MGAT4A: variants seen among roughly 807,000 people sequenced by gnomAD.
MGAT4A encodes the protein alpha-1,3-mannosyl-glycoprotein 4-beta-N-acetylglucosaminyltransferase A, also known as N-acetylglucosaminyltransferase IVa.
In MGAT4A, 33 loss-of-function variants were observed where a neutral mutation model predicts 74.1. That is an observed-to-expected ratio of 0.45 (90% CI 0.34 to 0.60). The LOEUF is 0.60. MGAT4A is among the 20% of genes least tolerant of loss of function. The probability of loss-of-function intolerance (pLI) is 0.02; values close to 1 mark genes in which losing one functional copy is unlikely to be tolerated. For synonymous variants in MGAT4A, 198 were observed against 210.4 expected (o/e 0.94, Z 0.51); for missense variants, 479 against 628.3 (o/e 0.76, Z 2.54).
chr2:98,709,017 C>T (rs1214810621), intron 2 of MGAT4A, among the ~76,000 whole-genome samples: 2 of 152,200 alleles, frequency 1.3e-5, no homozygotes, highest in South Asian at 2.1e-4. Flanking sequence ...AGGCTGTACA[C>T]CCCATGGAGT....
rs1241789871 is a variant in MGAT4A at position 98,622,169 on chromosome 2, G to A, written c.*3397C>T. 1.0e-6 allele frequency: 1 copy of A among 985,318 alleles called. No individual in the cohort carries two copies. The highest frequency in any genetic ancestry group is 1.7e-5 in the African/African-American group (1 of 57,222). The allele number at this position is 985,318 out of a possible 1,614,324, so 61.0% of individuals were successfully genotyped here. ...AAATATTCATCATCATTTGCATTAT[G>A]TTCTATTCCCATGTCTGCTTTTAAC... On this transcript the variant is annotated 3_prime_UTR_variant, in exon 16 of 16. Transcript: ENST00000393487.
intron 10 of MGAT4A, among the ~76,000 whole-genome samples, chr2:98,641,499 C>CAAAAAAAA (rs1205460540): frequency 1.1e-3 from 84 of 75,230 alleles, no homozygotes; most frequent in African/African-American, 2.0e-3. Flanking sequence ...ACTAAAAATA[C>CAAAAAAAA]AAAAAAAAAA....
chr2:98,718,129 C>T (rs552094630), intron 2 of MGAT4A, among the ~76,000 whole-genome samples: 1 of 152,280 alleles, frequency 6.6e-6, no homozygotes, highest in South Asian at 2.1e-4. Flanking sequence ...ATACTGTAGT[C>T]TACTGATTCA....
intron 5 of MGAT4A, among the ~76,000 whole-genome samples, chr2:98,659,679 G>A: frequency 6.6e-6 from 1 of 152,072 alleles, no homozygotes; most frequent in East Asian, 1.9e-4. Flanking sequence ...CCTTTCACTT[G>A]ATTCTCATTT....
intron 2 of MGAT4A, among the ~76,000 whole-genome samples, chr2:98,684,964 T>C (rs1466234574): frequency 1.3e-5 from 2 of 152,186 alleles, no homozygotes; most frequent in African/African-American, 2.4e-5. Flanking sequence ...GGGCCGGGCA[T>C]GGTGGCTCAC....
chr2:98,668,337 C>T (rs1701866428), intron 4 of MGAT4A, among the ~76,000 whole-genome samples: 1 of 152,222 alleles, frequency 6.6e-6, no homozygotes, highest in Non-Finnish European at 1.5e-5. Context: ...CCAGCCTTGA[C>T]TAAAAGGAGC....
At position 98,667,696 on chromosome 2, in the gene MGAT4A, TTTGTTGTTG is replaced by T. The variant is rs142922685; in HGVS notation, c.404-4526_404-4518del. Among the ~76,000 whole-genome samples, 354 of 150,268 alleles carry T rather than the reference TTTGTTGTTG, an allele frequency of 2.4e-3. 1 individual carries two copies. Among genetic ancestry groups the T allele is most frequent in the Middle Eastern group, 0.01 (3 of 290 alleles). ...TGGGTGCTGTTAAAGGCATTCAGTT[TTTGTTGTTG>T]TTGTTGTTGTTGTTGTTGTTGTTGT... On this transcript the variant is annotated intron_variant, in intron 4 of 15. Transcript: ENST00000393487.
chr2:98,625,870 C>A lies in MGAT4A; in HGVS notation c.1469-35G>T, dbSNP rs140232102. On this transcript the variant is annotated intron_variant, in intron 14 of 15. Coordinates refer to ENST00000393487, the MANE Select transcript of MGAT4A (RefSeq NM_012214.3). The stretch of plus-strand genomic sequence containing the variant: ...AAAAATCAATACTTGTTGGATACAC[C>A]GAGATAAGCAAACATAAAATATCAC... 3.9e-3 allele frequency: 5,615 copies of A among 1,447,046 alleles called. 28 individuals are homozygous for A. Among genetic ancestry groups the A allele is most frequent in the Middle Eastern group, 0.024 (135 of 5,664 alleles). The allele number at this position is 1,447,046 out of a possible 1,614,324, so 89.6% of individuals were successfully genotyped here.
chr2:98,687,242 T>C (rs1702143108), intron 2 of MGAT4A, among the ~76,000 whole-genome samples: 1 of 150,634 alleles, frequency 6.6e-6, no homozygotes, highest in Admixed American at 6.6e-5. Flanking sequence ...AGAATTCTAA[T>C]GTAGTTCTAC....
chr2:98,636,297 A>G (rs577238302), intron 13 of MGAT4A, among the ~76,000 whole-genome samples: 2 of 152,146 alleles, frequency 1.3e-5, no homozygotes, highest in Admixed American at 1.3e-4. Flanking sequence ...GTGGCCTGTT[A>G]CTTTCCAAGA....
chr2:98,638,239 G>T, intron 12 of MGAT4A, among the ~76,000 whole-genome samples: 1 of 152,080 alleles, frequency 6.6e-6, no homozygotes, highest in East Asian at 1.9e-4. Flanking sequence ...CATAATATAT[G>T]TAAAACATTG....
intron 2 of MGAT4A, among the ~76,000 whole-genome samples, chr2:98,719,166 T>C (rs1233196918): frequency 2.6e-5 from 4 of 152,178 alleles, no homozygotes; most frequent in African/African-American, 9.7e-5. Flanking sequence ...AAAGGAGTCC[T>C]CCTGGGGTCA....
rs549730277 is a variant in MGAT4A, at chr2:98,624,641, T to C, written c.*925A>G. ...ATATAAAAGAATCAACAGCAGATAA[T>C]GCACCTAATTCATGGATTAAAGACA... is the stretch of plus-strand genomic sequence containing the variant. On this transcript the variant is annotated 3_prime_UTR_variant, in exon 16 of 16. Transcript: ENST00000393487. 7 of 983,632 alleles carry C rather than the reference T, an allele frequency of 7.1e-6. No individual in the cohort carries two copies. The Admixed American group carries it at 2.5e-4, about 35-fold the overall frequency. The allele number at this position is 983,632 out of a possible 1,614,324, so 60.9% of individuals were successfully genotyped here.
rs1328364559 is a variant in MGAT4A at position 98,639,851 on chromosome 2, C to T, written c.1279G>A (p.Asp427Asn). 1 of 1,614,002 alleles carries T rather than the reference C, an allele frequency of 6.2e-7. No individual in the cohort carries two copies. Reference protein sequence around the residue: ...FFWAITPIAGDYILFKFDKPV... With the variant: ...FFWAITPIAGNYILFKFDKPV... Reference sequence around the variant, plus strand: ...TTATCAAATTTAAACAAGATGTAGTCTCCAGCTATCGGTGTGATAGCCCAG... The same window carrying T: ...TTATCAAATTTAAACAAGATGTAGTTTCCAGCTATCGGTGTGATAGCCCAG... The change falls in exon 12 of 16, where the codon GAC (aspartate) becomes AAC (asparagine). Residue 427 changes from aspartate (D) to asparagine (N), a missense_variant. Physicochemically the swap from Asp to Asn is conservative, Grantham distance 23 (BLOSUM62 1). Coordinates refer to ENST00000393487, the MANE Select transcript of MGAT4A (RefSeq NM_012214.3).
intron 9 of MGAT4A, among the ~76,000 whole-genome samples, chr2:98,644,394 T>TA (rs1258068509): frequency 6.6e-6 from 1 of 152,182 alleles, no homozygotes; most frequent in Non-Finnish European, 1.5e-5. Flanking sequence ...GAGGTTTAGG[T>TA]AAAAAATTTT....
chr2:98,639,472 C>T (rs1701372272), intron 12 of MGAT4A, among the ~76,000 whole-genome samples: 1 of 152,028 alleles, frequency 6.6e-6, no homozygotes. Context: ...TCAACTAGCT[C>T]CAGATCAATT....
In MGAT4A at chr2:98,678,285, TAA is replaced by T; in HGVS notation, c.262+17_262+18del. 9.3e-7 allele frequency: 1 copy of T among 1,073,032 alleles called. No homozygotes were observed. The highest frequency in any genetic ancestry group is 1.7e-5 in the African/African-American group (1 of 58,646). The allele number at this position is 1,073,032 out of a possible 1,614,324, so 66.5% of individuals were successfully genotyped here. A position where few individuals can be genotyped will look rare whatever the true frequency, so the allele number is the denominator to read the frequency against. The stretch of plus-strand genomic sequence containing the variant: ...ATATATATAAAATCTTTTTATAATA[TAA>T]AAAATACTGTTTGTACCTGAAAACT... On this transcript the variant is annotated intron_variant, in intron 3 of 15. Transcript: ENST00000393487.
chr2:98,644,915 T>C (rs1701463228), intron 9 of MGAT4A, among the ~76,000 whole-genome samples: 1 of 152,206 alleles, frequency 6.6e-6, no homozygotes, highest in South Asian at 2.1e-4. Flanking sequence ...ATTACAGGCG[T>C]GAGCCACTGC....
At chr2:98,645,834 T>C (rs1701476266) in intron 8 of MGAT4A, among the ~76,000 whole-genome samples, 1 of 151,954 alleles carries the variant, frequency 6.6e-6, no homozygotes, top group African/African-American at 2.4e-5. Context: ...TGTGAGTGGA[T>C]GGGGCAGAGA....
Sources: allele counts gnomAD v4.1 joint callset (sites outside exome capture counted in the v4.1 genomes callset), GRCh38; gene constraint gnomAD v4.1.1; transcripts MANE v1.5; gene names NCBI Gene and HGNC (gene_info 2026-07-23, HGNC 2026-07-21).